Variants in DST observed in about 807,000 individuals in gnomAD.
The protein encoded by DST is dystonin.
Under a neutral mutation model 875.2 loss-of-function variants are expected in DST, and 253 were observed. The observed-to-expected ratio is 0.29, with a 90% CI of 0.26 to 0.32. The LOEUF (loss-of-function observed/expected upper bound fraction) is 0.32. DST is among the 10% of genes least tolerant of loss of function. The probability of loss-of-function intolerance (pLI) is 1.00; values close to 1 mark genes in which losing one functional copy is unlikely to be tolerated. For synonymous variants in DST, 3,124 were observed against 3,197.1 expected, an observed-to-expected ratio of 0.98 and a Z score of 0.77; for missense variants, 8,287 against 9,111.6, an observed-to-expected ratio of 0.91 and a Z score of 3.68.
intron 83 of DST, 96 bp from the exon 84 acceptor site, chr6:56,493,185 C>T (rs1228096918): frequency 9.0e-7 from 1 of 1,105,820 alleles, no homozygotes; most frequent in African/African-American, 1.6e-5. Context: ...CTTTCCTATC[C>T]CCACTTTATT....
chr6:56,573,543 T>C (rs748218996), intron 51 of DST, 136 bp downstream of exon 51: 17 of 662,496 alleles, frequency 2.6e-5, no homozygotes, highest in Admixed American at 5.7e-5. Context: ...TGTGCAAGCA[T>C]TACTTTCCAC....
At chr6:56,663,224 T>C (rs1390707228) in intron 10 of DST, among the ~76,000 whole-genome samples, 1 of 152,252 alleles carries the variant, frequency 6.6e-6, no homozygotes, top group Admixed American at 6.5e-5. Context: ...CACTACATTA[T>C]AAGCAGTGTA....
intron 78 of DST, among the ~76,000 whole-genome samples, chr6:56,503,755 G>T (rs2096222879): frequency 6.6e-6 from 1 of 151,848 alleles, no homozygotes; most frequent in African/African-American, 2.4e-5. Context: ...TGCATTTTCT[G>T]ATTTTTCTAT....
chr6:56,947,436 G>C (rs1488011654), intron 2 of DST, among the ~76,000 whole-genome samples: 2 of 151,870 alleles, frequency 1.3e-5, no homozygotes, highest in Non-Finnish European at 2.9e-5. Flanking sequence ...TTTTAGTAAA[G>C]ACGGGGTTTC....
intron 96 of DST, 56 bp from the exon 97 acceptor site, chr6:56,470,013 CCTT>C: frequency 6.2e-7 from 1 of 1,605,318 alleles, no homozygotes. Context: ...ATAGTACAAT[CCTT>C]AAAACTTTGA....
chr6:56,513,646 G>A (rs2096528634), intron 72 of DST, among the ~76,000 whole-genome samples: 1 of 152,178 alleles, frequency 6.6e-6, no homozygotes. Context: ...TTACAGGCAT[G>A]AGCCACTGTG....
intron 49 of DST, among the ~76,000 whole-genome samples, chr6:56,587,923 G>GT (rs1443278365): frequency 6.6e-6 from 1 of 151,906 alleles, no homozygotes; most frequent in Non-Finnish European, 1.5e-5. Flanking sequence ...ACTAAACATG[G>GT]AAAGGAACAA....
chr6:56,828,374 T>C (rs896597273), intron 4 of DST, among the ~76,000 whole-genome samples: 10 of 152,250 alleles, frequency 6.6e-5, no homozygotes, highest in Non-Finnish European at 2.9e-5. Flanking sequence ...CTGCATGCAA[T>C]GTACTATCAC....
chr6:56,617,247 A>G (rs2098636629), intron 36 of DST: 1 of 1,608,386 alleles, frequency 6.2e-7, no homozygotes, highest in African/African-American at 1.3e-5. Context: ...TCACCATCAA[A>G]GTTCTGGAAG....
At chr6:56,875,363 C>A (rs1379750525) in intron 3 of DST, among the ~76,000 whole-genome samples, 2 of 152,200 alleles carry the variant, frequency 1.3e-5, no homozygotes, top group African/African-American at 2.4e-5. Context: ...TATACTCAGA[C>A]ACATTCAATA....
chr6:56,812,104 A>AAAAAAAAAAG (rs1198742378), intron 4 of DST, among the ~76,000 whole-genome samples: 1 of 25,712 alleles, frequency 3.9e-5, no homozygotes, highest in African/African-American at 1.0e-4. Flanking sequence ...TCTGACTCAA[A>AAAAAAAAAAG]AAAAAAAAAG....
chr6:56,867,425 T>C lies in DST; in HGVS notation c.418-15821A>G, dbSNP rs73746946. On this transcript the variant is annotated intron_variant, in intron 3 of 103. Transcript: ENST00000680361. The stretch of plus-strand genomic sequence containing the variant: ...CTTTATAACTTCATTTCTTTTACAG[T>C]CTCATTTATGGTTATCTCTGGAGTT... Among the ~76,000 whole-genome samples, 231 of 152,340 alleles carry C rather than the reference T, an allele frequency of 1.5e-3. 1 individual carries two copies. Among genetic ancestry groups the C allele is most frequent in the African/African-American group, 5.4e-3 (223 of 41,574 alleles).
At chr6:56,897,484 C>A (rs553366334) in intron 3 of DST, among the ~76,000 whole-genome samples, 55 of 152,238 alleles carry the variant, frequency 3.6e-4, no homozygotes, top group Middle Eastern at 3.4e-3. Flanking sequence ...GCGTGTGCCA[C>A]CACACCTGGC....
chr6:56,487,414 T>G (rs1308992777), intron 86 of DST, 141 bp from the exon 87 acceptor site: 1 of 743,306 alleles, frequency 1.3e-6, no homozygotes, highest in Non-Finnish European at 2.0e-6. Flanking sequence ...TAGGATTTTT[T>G]GACTTTACCA....
At position 56,894,241 on chromosome 6, in the gene DST, C is replaced by T. The variant is rs1240696094; in HGVS notation, c.417+6180G>A. On this transcript the variant is annotated intron_variant, in intron 3 of 103. Coordinates refer to ENST00000680361, the MANE Select transcript of DST (RefSeq NM_001374736.1). ...CCGGGCGGGGGGCTGACCCCCCCACCGCCCTCCCGGACGGGGCGGCTGGCC... is the reference window on the plus strand; with the variant it reads ...CCGGGCGGGGGGCTGACCCCCCCACTGCCCTCCCGGACGGGGCGGCTGGCC... Among the ~76,000 whole-genome samples the T allele has an allele frequency of 9.1e-5, 3 of 33,102 alleles. 1 individual carries two copies. The highest frequency in any genetic ancestry group is 1.6e-4 in the Non-Finnish European group (3 of 18,512). 21.7% of individuals were successfully genotyped at this position (33,102 alleles called of 152,430 possible).
intron 4 of DST, among the ~76,000 whole-genome samples, chr6:56,840,575 T>C (rs538900368): frequency 1.3e-5 from 2 of 152,310 alleles, no homozygotes; most frequent in South Asian, 4.1e-4. Context: ...TTGTAGCAAA[T>C]AGCTCTTTCT....
At chr6:56,514,367 T>C (rs1267369701) in intron 72 of DST, among the ~76,000 whole-genome samples, 3 of 152,242 alleles carry the variant, frequency 2.0e-5, no homozygotes, top group African/African-American at 4.8e-5. Context: ...TCCTGTTCTA[T>C]ATTAAATAAA....
intron 31 of DST, 78 bp from the exon 32 acceptor site, chr6:56,629,521 AATTT>A: frequency 9.1e-7 from 1 of 1,095,150 alleles, no homozygotes; most frequent in Non-Finnish European, 1.4e-6. Flanking sequence ...CTAATTTTAC[AATTT>A]ATTTACAAAT....
At chr6:56,504,722 A>G (rs2096255848) in intron 77 of DST, among the ~76,000 whole-genome samples, 1 of 152,102 alleles carries the variant, frequency 6.6e-6, no homozygotes, top group African/African-American at 2.4e-5. Flanking sequence ...TCATTTTGCC[A>G]TTACTCTGTC....
Sources: allele counts gnomAD v4.1 joint callset (sites outside exome capture counted in the v4.1 genomes callset), GRCh38; gene constraint gnomAD v4.1.1; transcripts MANE v1.5; gene names NCBI Gene and HGNC (gene_info 2026-07-23, HGNC 2026-07-21).